The following KRAS variants were observed in gnomAD, a reference collection of about 807,000 sequenced individuals.
The protein encoded by KRAS is KRas proto-oncogene, GTPase, also known as GTPase KRas.
Under a neutral mutation model 21.0 loss-of-function variants are expected in KRAS, and 1 was observed. That is an observed-to-expected ratio of 0.05 (90% CI 0.02 to 0.23). KRAS has a LOEUF of 0.23. Ranked by LOEUF, KRAS falls within the 10% of genes least tolerant of loss-of-function variation. KRAS has a pLI of 1.00. For missense variants in KRAS, 107 were observed against 221.8 expected, an observed-to-expected ratio of 0.48 and a Z score of 3.29; for synonymous variants, 67 against 72.5, an observed-to-expected ratio of 0.92 and a Z score of 0.39.
At chr12:25,235,793 G>A (rs1476091909) in intron 2 of KRAS, among the ~76,000 whole-genome samples, 2 of 152,112 alleles carry the variant, frequency 1.3e-5, no homozygotes, top group Non-Finnish European at 1.5e-5. Flanking sequence ...CAACTTTTCC[G>A]GCATCAGGGA....
Position 25,225,609 on chromosome 12 carries a change from C to T in KRAS, c.450+5G>A. The T allele has an allele frequency of 1.2e-6, 2 of 1,612,416 alleles. No homozygotes were observed. Among genetic ancestry groups the T allele is most frequent in the Non-Finnish European group, 1.7e-6 (2 of 1,179,122 alleles). On this transcript the variant is annotated splice_donor_5th_base_variant and intron_variant, in intron 4 of 4. Transcript: ENST00000311936. ...CAGATCTGTATTTATTTCAGTGTTA[C>T]TTACCTGTCTTGTCTTTGCTGATGT... is the stretch of plus-strand genomic sequence containing the variant.
In KRAS at chr12:25,205,534, AC is replaced by A. The variant is rs1296705237; in HGVS notation, c.*4260del. The A allele has an allele frequency of 9.3e-6, 2 of 215,558 alleles. No homozygotes were observed. Among genetic ancestry groups the A allele is most frequent in the Non-Finnish European group, 1.9e-5 (2 of 106,606 alleles). The allele number at this position is 215,558 out of a possible 1,614,324, so 13.4% of individuals were successfully genotyped here. A position where few individuals can be genotyped will look rare whatever the true frequency, so the allele number is the denominator to read the frequency against. ...TACACTATACAAAAATAGTTAAAAT[AC>A]ATTCCAGGTAAACATGTTACATTAA... On this transcript the variant is annotated 3_prime_UTR_variant, in exon 5 of 5. Coordinates refer to ENST00000311936, the MANE Select transcript of KRAS (RefSeq NM_004985.5).
rs1317654092 is a variant in KRAS, at chr12:25,234,104, T to C, written c.112-6692A>G. 5.7e-5 allele frequency: 10 copies of C among 176,492 alleles called. No homozygotes were observed. The Admixed American group carries it at 6.3e-4, about 11-fold the overall frequency. The allele number at this position is 176,492 out of a possible 1,614,324, so 10.9% of individuals were successfully genotyped here. On this transcript the variant is annotated intron_variant, in intron 2 of 4. Transcript: ENST00000311936. ...CACATGTTTAAGATACCATAAATTT[T>C]ATCAAGACAATGAAGCTGTTAATTT...
chr12:25,250,143 A>G (rs1951745588), intron 1 of KRAS, among the ~76,000 whole-genome samples: 1 of 152,094 alleles, frequency 6.6e-6, no homozygotes, highest in Admixed American at 6.5e-5. Context: ...GTGGTCTCTA[A>G]GCACTTTCCT....
At chr12:25,225,801 A>G in intron 3 of KRAS, 28 bp from the exon 4 acceptor site, 2 of 1,598,122 alleles carry the variant, frequency 1.3e-6, no homozygotes, top group African/African-American at 1.3e-5. Context: ...GTTATAGCAC[A>G]GTCATTAGTA....
chr12:25,208,785 C>T lies in KRAS; in HGVS notation c.*1010G>A. The T allele has an allele frequency of 4.3e-6, 1 of 233,524 alleles. No homozygotes were observed. The highest frequency in any genetic ancestry group is 8.4e-6 in the Non-Finnish European group (1 of 118,426). The allele number at this position is 233,524 out of a possible 1,614,324, so 14.5% of individuals were successfully genotyped here. On this transcript the variant is annotated 3_prime_UTR_variant, in exon 5 of 5. Coordinates refer to ENST00000311936, the MANE Select transcript of KRAS (RefSeq NM_004985.5). ...CTCTCTATGAAAGCTCAAAGGTTCA[C>T]ACAGGGCCTGGCCTTGCAACCTTGG...
chr12:25,235,149 G>A (rs1190989292), intron 2 of KRAS: 2 of 482,506 alleles, frequency 4.1e-6, no homozygotes, highest in African/African-American at 3.9e-5. Flanking sequence ...GTATTACTCG[G>A]GGATTTCCTC....
chr12:25,234,159 TAATA>T (rs1477580166), intron 2 of KRAS: 2 of 169,708 alleles, frequency 1.2e-5, no homozygotes, highest in African/African-American at 4.8e-5. Context: ...AAGAATAATT[TAATA>T]AATTTTACCT....
chr12:25,213,121 ACTTCT>A (rs1951215946), intron 4 of KRAS, among the ~76,000 whole-genome samples: 1 of 152,126 alleles, frequency 6.6e-6, no homozygotes, highest in African/African-American at 2.4e-5. Context: ...TACCAAGTAT[ACTTCT>A]CTTTTATATG....
rs973494682 is a variant in KRAS at position 25,242,025 on chromosome 12, A to G, written c.111+3249T>C. 2.0e-5 allele frequency among the ~76,000 whole-genome samples: 3 copies of G among 152,238 alleles called. No individual in the cohort carries two copies. The East Asian group carries it at 5.8e-4, about 29-fold the overall frequency. On this transcript the variant is annotated intron_variant, in intron 2 of 4. Coordinates refer to ENST00000311936, the MANE Select transcript of KRAS (RefSeq NM_004985.5). ...AAAATGAATTCTACAATGAACATGG[A>G]AAAATAAAAATAAAATAAAAATTAA... is the stretch of plus-strand genomic sequence containing the variant.
chr12:25,226,251 A>G lies in KRAS; in HGVS notation c.291-478T>C, dbSNP rs149366712. ...CTAGGTAGGCAACACTGAAGTTACT[A>G]CACCACTTATTCCATTAAAAGCCCT... is the stretch of plus-strand genomic sequence containing the variant. On this transcript the variant is annotated intron_variant, in intron 3 of 4. Transcript: ENST00000311936. Among the ~76,000 whole-genome samples the G allele has an allele frequency of 4.5e-3, 689 of 152,346 alleles. 7 individuals are homozygous for G. The highest frequency in any genetic ancestry group is 0.014 in the African/African-American group (567 of 41,580).
At chr12:25,236,564 A>G (rs1200936538) in intron 2 of KRAS, among the ~76,000 whole-genome samples, 4 of 151,912 alleles carry the variant, frequency 2.6e-5, no homozygotes, top group Non-Finnish European at 4.4e-5. Flanking sequence ...CTGTGCTGAA[A>G]TATCTAGTAT....
rs182373337 is a variant in KRAS, at chr12:25,210,139, G to A, written c.451-228C>T. Among the ~76,000 whole-genome samples the A allele has an allele frequency of 7.4e-4, 112 of 152,236 alleles. 1 individual carries two copies. Among genetic ancestry groups the A allele is most frequent in the Middle Eastern group, 3.4e-3 (1 of 292 alleles). On this transcript the variant is annotated intron_variant, in intron 4 of 4. Coordinates refer to ENST00000311936, the MANE Select transcript of KRAS (RefSeq NM_004985.5). ...AACACTAATTTTCACAAAAGACAAG[G>A]ATAACCAATGGCACAGAATTTTAAA...
intron 2 of KRAS, among the ~76,000 whole-genome samples, chr12:25,235,400 T>A (rs1478429194): frequency 6.6e-6 from 1 of 152,158 alleles, no homozygotes; most frequent in Non-Finnish European, 1.5e-5. Flanking sequence ...ACAGGGAATT[T>A]AGGGTATGTA....
intron 1 of KRAS, among the ~76,000 whole-genome samples, chr12:25,250,485 G>A (rs936780664): frequency 2.6e-5 from 4 of 152,046 alleles, no homozygotes; most frequent in Admixed American, 6.5e-5. Flanking sequence ...GGGGTTCCCC[G>A]TCCAGGAAGC....
chr12:25,219,507 AG>A (rs2141495468), intron 4 of KRAS, among the ~76,000 whole-genome samples: 1 of 152,328 alleles, frequency 6.6e-6, no homozygotes, highest in South Asian at 2.1e-4. Context: ...TTTTGTTTTA[AG>A]TAAGTTTTTG....
At chr12:25,225,876 G>A in intron 3 of KRAS, 103 bp from the exon 4 acceptor site, 1 of 1,064,614 alleles carries the variant, frequency 9.4e-7, no homozygotes, top group East Asian at 2.4e-5. Context: ...AGAAAACAAT[G>A]TAATTCCTAG....
rs2141481092 is a variant in KRAS, at chr12:25,209,465, T to C, written c.*330A>G. On this transcript the variant is annotated 3_prime_UTR_variant, in exon 5 of 5. Transcript: ENST00000311936. The stretch of plus-strand genomic sequence containing the variant: ...AGGGATGATTCAAAAGCTTCATTAA[T>C]TTGTTTCACACCAACATTCACAATT... The C allele has an allele frequency of 8.2e-7, 1 of 1,217,486 alleles. No individual in the cohort carries two copies. The highest frequency in any genetic ancestry group is 3.7e-5 in the Admixed American group (1 of 26,918). The allele number at this position is 1,217,486 out of a possible 1,614,324, so 75.4% of individuals were successfully genotyped here.
chr12:25,242,640 AT>A (rs753672100), intron 2 of KRAS, among the ~76,000 whole-genome samples: 1 of 152,178 alleles, frequency 6.6e-6, no homozygotes, highest in Admixed American at 6.5e-5. Context: ...TACCTGAATG[AT>A]TTTACATCAT....
Sources: allele counts gnomAD v4.1 joint callset (sites outside exome capture counted in the v4.1 genomes callset), GRCh38; gene constraint gnomAD v4.1.1; transcripts MANE v1.5; gene names NCBI Gene and HGNC (gene_info 2026-07-23, HGNC 2026-07-21).